Variants in CRYBA2 observed in about 807,000 individuals in gnomAD.
The protein encoded by CRYBA2 is crystallin beta A2, also known as beta-crystallin A2.
CRYBA2 carries 17 observed loss-of-function variants against 18.5 expected under a neutral mutation model. The ratio of observed to expected loss-of-function variants is 0.92; its 90% CI spans 0.63 to 1.38. The LOEUF (loss-of-function observed/expected upper bound fraction) is 1.38. Ranked by LOEUF, CRYBA2 falls within the 40% of genes most tolerant of loss-of-function variation. The probability of loss-of-function intolerance (pLI) is 0.00; values close to 1 mark genes in which losing one functional copy is unlikely to be tolerated. For missense variants in CRYBA2, 271 were observed against 265.0 expected (o/e 1.02, Z -0.16); for synonymous variants, 101 against 106.2 (o/e 0.95, Z 0.30).
chr2:218,991,884 C>T (rs1256998013), intron 2 of CRYBA2: 6 of 562,900 alleles, frequency 1.1e-5, no homozygotes, highest in African/African-American at 1.9e-5. Context: ...ATGGCCTCAG[C>T]GCTGTCCGTG....
At chr2:218,991,716 C>A in intron 2 of CRYBA2, 1 of 211,944 alleles carries the variant, frequency 4.7e-6, no homozygotes, top group Non-Finnish European at 9.3e-6. Flanking sequence ...TTCAGTGACC[C>A]TGGGCAAGCC....
rs754056321 is a variant in CRYBA2 at position 218,990,290 on chromosome 2, T to C, written c.556A>G (p.Thr186Ala). The stretch of plus-strand genomic sequence containing the variant: ...CTCCGGATGGACTGCAGCTGCCCAG[T>C]GTGGGCCTGTGTGCCGAGCTCACCG... ...TYGELGTQAH[T>A]GQLQSIRRVQ... The change falls in exon 4 of 4, where the codon ACT becomes GCT. Residue 186 changes from threonine to alanine, a missense_variant. Transcript: ENST00000295728. The C allele has an allele frequency of 1.2e-6, 2 of 1,614,170 alleles. No homozygotes were observed. The highest frequency in any genetic ancestry group is 1.7e-4 in the Middle Eastern group (1 of 6,060).
At position 218,993,023 on chromosome 2, in the gene CRYBA2, T is replaced by G. The variant is rs1283916018; in HGVS notation, c.154A>C (p.Asn52His). Residue 52 changes from asparagine to histidine, a missense_variant, in exon 1 of 4, where the codon AAC becomes CAC. By Grantham distance (68) the Asn-to-His change is moderately conservative (BLOSUM62 1). Coordinates refer to ENST00000295728, the MANE Select transcript of CRYBA2 (RefSeq NM_057093.2). This position sits in a 1 kb window ranked among gnomAD's most constrained non-coding sequence, Gnocchi z 7.7. ...LPRVRSVKVENGVWVAFEYPD... is the reference protein window; with the variant it reads ...LPRVRSVKVEHGVWVAFEYPD... ...GGCCAGGCAATCACTCACACGCCGT[T>G]TTCCACCTTGACCGAGCGCACCCTG... 1 of 1,602,578 alleles carries G rather than the reference T, an allele frequency of 6.2e-7. No homozygotes were observed. The highest frequency in any genetic ancestry group is 2.2e-5 in the East Asian group (1 of 44,470).
intron 2 of CRYBA2, chr2:218,991,891 C>T (rs566573231): frequency 1.6e-4 from 91 of 570,506 alleles, no homozygotes; most frequent in Non-Finnish European, 2.5e-4. Context: ...CAGCGCTGTC[C>T]GTGGTGATGA....
intron 2 of CRYBA2, 151 bp downstream of exon 2, chr2:218,991,951 C>G: frequency 1.5e-6 from 1 of 688,474 alleles, no homozygotes; most frequent in South Asian, 2.0e-5. Flanking sequence ...TTGGAGACAC[C>G]CTTCTGATTC....
At chr2:218,991,073 C>A in intron 2 of CRYBA2, 79 bp from the exon 3 acceptor site, 1 of 1,563,936 alleles carries the variant, frequency 6.4e-7, no homozygotes, top group Non-Finnish European at 8.7e-7. Context: ...TCACTTCCCC[C>A]ACCCACTGCA....
At chr2:218,992,286 C>T in intron 1 of CRYBA2, 43 bp from the exon 2 acceptor site, 1 of 1,591,720 alleles carries the variant, frequency 6.3e-7, no homozygotes, top group Non-Finnish European at 8.6e-7. Context: ...CCCAGCCGCA[C>T]CCTCTCTGCC....
chr2:218,991,347 G>A, intron 2 of CRYBA2: 1 of 201,622 alleles, frequency 5.0e-6, no homozygotes, highest in East Asian at 1.3e-4. Context: ...CACCAAGACA[G>A]TTCCCTGAGG....
Position 218,993,317 on chromosome 2 carries a change from G to T in CRYBA2, c.-141C>A. The T allele has an allele frequency of 1.3e-6, 1 of 768,124 alleles. No individual in the cohort carries two copies. The highest frequency in any genetic ancestry group is 2.0e-6 in the Non-Finnish European group (1 of 497,676). 47.6% of individuals were successfully genotyped at this position (768,124 alleles called of 1,614,324 possible). On this transcript the variant is annotated 5_prime_UTR_variant, in exon 1 of 4. It adds an upstream start codon to the 5' untranslated region. Coordinates refer to ENST00000295728, the MANE Select transcript of CRYBA2 (RefSeq NM_057093.2). The surrounding 1 kb of genome is among the most constrained non-coding windows in gnomAD (Gnocchi z 7.7). ...GGCCTAGCTCTGGACCCGGCTGCCA[G>T]GGGCTCGCAGTCTTCCCGCGCTCCC...
intron 2 of CRYBA2, 53 bp downstream of exon 2, chr2:218,992,049 G>A: frequency 7.1e-6 from 11 of 1,538,724 alleles, no homozygotes; most frequent in African/African-American, 1.4e-5. Flanking sequence ...GTGCCATGGT[G>A]AGGCCAGGGC....
At chr2:218,991,917 C>A (rs1475027794) in intron 2 of CRYBA2, 185 bp downstream of exon 2, 3 of 604,988 alleles carry the variant, frequency 5.0e-6, no homozygotes, top group African/African-American at 1.9e-5. Context: ...GGGCTCCGGG[C>A]CTACGCCCAC....
intron 1 of CRYBA2, among the ~76,000 whole-genome samples, 176 bp downstream of exon 1, chr2:218,992,838 TAC>T (rs1037460879): frequency 5.3e-5 from 8 of 152,144 alleles, no homozygotes; most frequent in Non-Finnish European, 8.8e-5. Context: ...AGCACAAAAA[TAC>T]ACAGTTTCCC....
chr2:218,990,509 C>A, intron 3 of CRYBA2, 110 bp from the exon 4 acceptor site: 1 of 1,363,904 alleles, frequency 7.3e-7, no homozygotes, highest in South Asian at 1.3e-5. Context: ...GTTCCAAAAT[C>A]ATTGCTTCAA....
rs952880659 is a variant in CRYBA2 at position 218,993,337 on chromosome 2, G to C, written c.-161C>G. ...TGCCAGGGGCTCGCAGTCTTCCCGCGCTCCCCTCCCTTCCCCACCCCAGCA... is the reference window on the plus strand; with the variant it reads ...TGCCAGGGGCTCGCAGTCTTCCCGCCCTCCCCTCCCTTCCCCACCCCAGCA... On this transcript the variant is annotated 5_prime_UTR_variant, in exon 1 of 4. Coordinates refer to ENST00000295728, the MANE Select transcript of CRYBA2 (RefSeq NM_057093.2). The surrounding 1 kb of genome is among the most constrained non-coding windows in gnomAD (Gnocchi z 7.7). The C allele has an allele frequency of 4.6e-6, 3 of 657,476 alleles. No homozygotes were observed. Among genetic ancestry groups the C allele is most frequent in the Non-Finnish European group, 7.5e-6 (3 of 398,134 alleles). The allele number at this position is 657,476 out of a possible 1,614,324, so 40.7% of individuals were successfully genotyped here.
Position 218,993,384 on chromosome 2 carries a change from G to T in CRYBA2, c.-208C>A, listed in dbSNP as rs373410761. 347 of 555,218 alleles carry T rather than the reference G, an allele frequency of 6.2e-4. No homozygotes were observed. Among genetic ancestry groups the T allele is most frequent in the African/African-American group, 6.2e-3 (310 of 50,128 alleles). 34.4% of individuals were successfully genotyped at this position (555,218 alleles called of 1,614,324 possible). A position where few individuals can be genotyped will look rare whatever the true frequency, so the allele number is the denominator to read the frequency against. ...AGCAGAGGGCATTCACCGGGTGGGT[G>T]AGCGCGGCACGCGAGGGAAATGGAC... On this transcript the variant is annotated 5_prime_UTR_variant, in exon 1 of 4. Coordinates refer to ENST00000295728, the MANE Select transcript of CRYBA2 (RefSeq NM_057093.2). The surrounding 1 kb of genome is among the most constrained non-coding windows in gnomAD (Gnocchi z 7.7).
intron 1 of CRYBA2, 35 bp downstream of exon 1, chr2:218,992,966 GAACCCAGCGCCCCTC>G: frequency 6.7e-7 from 1 of 1,494,180 alleles, no homozygotes; most frequent in African/African-American, 1.4e-5. Context: ...TAGGCCGGTG[GAACCCAGCGCCCCTC>G]AACCCAGCCC....
At chr2:218,992,061 T>C (rs1232675484) in intron 2 of CRYBA2, 41 bp downstream of exon 2, 1 of 1,580,018 alleles carries the variant, frequency 6.3e-7, no homozygotes, top group Non-Finnish European at 8.6e-7. Flanking sequence ...GGCCAGGGCC[T>C]GGAGCTAGGA....
chr2:218,991,182 C>CT, intron 2 of CRYBA2, 188 bp from the exon 3 acceptor site: 1 of 764,078 alleles, frequency 1.3e-6, no homozygotes, highest in Non-Finnish European at 2.0e-6. Flanking sequence ...CAGAGGTTCC[C>CT]CCGAACCTGG....
Position 218,993,040 on chromosome 2 carries a change from C to G in CRYBA2, c.137G>C (p.Arg46Pro), listed in dbSNP as rs769980119. 4 of 1,606,998 alleles carry G rather than the reference C, an allele frequency of 2.5e-6. No homozygotes were observed. The highest frequency in any genetic ancestry group is 1.3e-5 in the African/African-American group (1 of 74,714). Residue 46 changes from arginine (R) to proline (P), a missense_variant, in exon 1 of 4, where the codon CGC becomes CCC. By Grantham distance (103) the Arg-to-Pro change is moderately radical. Coordinates refer to ENST00000295728, the MANE Select transcript of CRYBA2 (RefSeq NM_057093.2). The surrounding 1 kb of genome is among the most constrained non-coding windows in gnomAD (Gnocchi z 7.7). Reference sequence around the variant, plus strand: ...CACGCCGTTTTCCACCTTGACCGAGCGCACCCTGGGCAGGCCTCCGCGCTC... The same window carrying G: ...CACGCCGTTTTCCACCTTGACCGAGGGCACCCTGGGCAGGCCTCCGCGCTC... Reference protein sequence around the residue: ...VCERGGLPRVRSVKVENGVWV... With the variant: ...VCERGGLPRVPSVKVENGVWV...
Sources: allele counts gnomAD v4.1 joint callset (sites outside exome capture counted in the v4.1 genomes callset), GRCh38; gene constraint gnomAD v4.1.1; non-coding constraint Gnocchi (gnomAD v3.1); transcripts MANE v1.5; gene names NCBI Gene and HGNC (gene_info 2026-07-23, HGNC 2026-07-21).